The following DPYD variants were observed in gnomAD, a reference collection of about 807,000 sequenced individuals.
The protein encoded by DPYD is dihydropyrimidine dehydrogenase, also known as dihydropyrimidine dehydrogenase [NADP(+)].
A neutral mutation model predicts 116.2 loss-of-function variants in DPYD; 109 were observed. The observed-to-expected ratio is 0.94, with a 90% CI of 0.80 to 1.10. The LOEUF is 1.10. DPYD is among the 50% of genes least tolerant of loss of function. The pLI, the probability that DPYD is intolerant of heterozygous loss-of-function variation, is 0.00. For missense variants in DPYD, 1,302 were observed against 1,254.5 expected (o/e 1.04, Z -0.57); for synonymous variants, 440 against 432.0 (o/e 1.02, Z -0.23).
At chr1:97,171,371 C>T (rs1437171919) in intron 20 of DPYD, among the ~76,000 whole-genome samples, 3 of 152,166 alleles carry the variant, frequency 2.0e-5, no homozygotes, top group African/African-American at 4.8e-5. Context: ...AGAGGTAAAA[C>T]GTTCAACAAT....
intron 3 of DPYD, chr1:97,797,574 G>T (rs2101310876): frequency 6.6e-6 from 1 of 152,176 alleles, no homozygotes; most frequent in African/African-American, 2.4e-5. Context: ...TGCATCCTGA[G>T]CTGCCAACAG....
chr1:97,208,715 A>C (rs555947821), intron 19 of DPYD, among the ~76,000 whole-genome samples: 16 of 152,268 alleles, frequency 1.1e-4, no homozygotes, highest in Non-Finnish European at 1.9e-4. Context: ...TTCTTTTCAC[A>C]TTCAATTATC....
intron 20 of DPYD, among the ~76,000 whole-genome samples, chr1:97,161,067 A>G (rs1338608239): frequency 1.3e-5 from 2 of 152,134 alleles, no homozygotes; most frequent in Non-Finnish European, 2.9e-5. Context: ...TCCTGCACAC[A>G]TATCTTGAAT....
intron 8 of DPYD, among the ~76,000 whole-genome samples, chr1:97,656,934 A>G (rs894991376): frequency 6.6e-6 from 1 of 150,896 alleles, no homozygotes. Flanking sequence ...TCAAAACTCA[A>G]CTGCAATTTC....
At chr1:97,090,396 C>G (rs997076064) in intron 21 of DPYD, among the ~76,000 whole-genome samples, 1 of 152,128 alleles carries the variant, frequency 6.6e-6, no homozygotes, top group Admixed American at 6.5e-5. Flanking sequence ...TTCTGTTTAT[C>G]AATTGCTTAC....
At chr1:97,518,628 T>A (rs1017935187) in intron 12 of DPYD, among the ~76,000 whole-genome samples, 1 of 152,108 alleles carries the variant, frequency 6.6e-6, no homozygotes, top group African/African-American at 2.4e-5. Flanking sequence ...AACTCTTTTA[T>A]CTCATCATAT....
chr1:97,711,397 CA>C (rs1465764082), intron 5 of DPYD, among the ~76,000 whole-genome samples: 4 of 151,844 alleles, frequency 2.6e-5, no homozygotes, highest in African/African-American at 9.7e-5. Flanking sequence ...CTGAATATTT[CA>C]TGTAATTTAT....
At chr1:97,105,052 G>C (rs1299668627) in intron 20 of DPYD, among the ~76,000 whole-genome samples, 1 of 152,070 alleles carries the variant, frequency 6.6e-6, no homozygotes, top group Non-Finnish European at 1.5e-5. Flanking sequence ...AAGGAACTCA[G>C]ATAAGAACAT....
chr1:97,464,131 C>T (rs1677171161), intron 13 of DPYD, among the ~76,000 whole-genome samples: 1 of 151,828 alleles, frequency 6.6e-6, no homozygotes, highest in Admixed American at 6.6e-5. Flanking sequence ...CACAGCTACT[C>T]AGGAGGCTGA....
chr1:97,595,222 G>C, intron 8 of DPYD, 56 bp from the exon 9 acceptor site: 2 of 1,408,016 alleles, frequency 1.4e-6, no homozygotes, highest in Non-Finnish European at 2.0e-6. Context: ...TTTCCTATTA[G>C]ATATTAAAAC....
chr1:97,910,905 CTTA>C (rs1008662302), intron 1 of DPYD, among the ~76,000 whole-genome samples: 2 of 151,764 alleles, frequency 1.3e-5, no homozygotes, highest in Non-Finnish European at 2.9e-5. Context: ...TATTTGTATT[CTTA>C]TTTACATTTT....
rs185954282 is a variant in DPYD at position 97,311,503 on chromosome 1, G to T, written c.2059-5206C>A. Among the ~76,000 whole-genome samples the T allele has an allele frequency of 6.0e-4, 91 of 151,812 alleles. 1 individual carries two copies. Among genetic ancestry groups the T allele is most frequent in the Admixed American group, 5.1e-3 (77 of 15,214 alleles). On this transcript the variant is annotated intron_variant, in intron 16 of 22. Transcript: ENST00000370192. ...ATGTGATGCCATTATCTATCTACCA[G>T]ATTGGGGGGTTGGGGGAAAGTCAAT...
chr1:97,472,860 T>C (rs940659716), intron 13 of DPYD, among the ~76,000 whole-genome samples: 2 of 152,202 alleles, frequency 1.3e-5, no homozygotes, highest in Non-Finnish European at 2.9e-5. Flanking sequence ...GCAAAACTTG[T>C]ATATATTTAA....
intron 10 of DPYD, among the ~76,000 whole-genome samples, chr1:97,574,180 G>A (rs183127104): frequency 1.2e-4 from 19 of 152,222 alleles, no homozygotes; most frequent in Admixed American, 3.9e-4. Context: ...TAATGTGGAC[G>A]TTTATAGATC....
intron 4 of DPYD, among the ~76,000 whole-genome samples, chr1:97,726,714 G>A (rs1663282730): frequency 6.6e-6 from 1 of 150,536 alleles, no homozygotes; most frequent in Non-Finnish European, 1.5e-5. Flanking sequence ...TTGGGGTAAG[G>A]AAGCACAGAA....
At chr1:97,667,798 A>AAGTC (rs1334540520) in intron 8 of DPYD, among the ~76,000 whole-genome samples, 1 of 152,144 alleles carries the variant, frequency 6.6e-6, no homozygotes, top group Non-Finnish European at 1.5e-5. Context: ...CAATATCCAA[A>AAGTC]AGTCAGAAAC....
chr1:97,575,853 A>G (rs1163840621), intron 10 of DPYD, among the ~76,000 whole-genome samples: 1 of 152,206 alleles, frequency 6.6e-6, no homozygotes, highest in African/African-American at 2.4e-5. Flanking sequence ...TAAAATGCCT[A>G]AAGCAGAATT....
chr1:97,746,590 A>C (rs928584673), intron 3 of DPYD, among the ~76,000 whole-genome samples: 1 of 152,162 alleles, frequency 6.6e-6, no homozygotes, highest in Admixed American at 6.5e-5. Context: ...ATCTGGATAA[A>C]GAAGAAAAAG....
At chr1:97,088,460 T>A (rs1439775638) in intron 21 of DPYD, among the ~76,000 whole-genome samples, 1 of 152,240 alleles carries the variant, frequency 6.6e-6, no homozygotes, top group African/African-American at 2.4e-5. Context: ...ATTTTTCCGA[T>A]GTTTTGCCTT....
Sources: allele counts gnomAD v4.1 joint callset (sites outside exome capture counted in the v4.1 genomes callset), GRCh38; gene constraint gnomAD v4.1.1; transcripts MANE v1.5; gene names NCBI Gene and HGNC (gene_info 2026-07-23, HGNC 2026-07-21).